The following ATG7 variants were observed in gnomAD, a reference collection of about 807,000 sequenced individuals.
The protein encoded by ATG7 is autophagy related 7, also known as ubiquitin-like modifier-activating enzyme ATG7.
ATG7 carries 70 observed loss-of-function variants against 82.4 expected under a neutral mutation model. The observed-to-expected ratio is 0.85, with a 90% CI of 0.70 to 1.04. ATG7 has a LOEUF of 1.04. ATG7 is among the 50% of genes least tolerant of loss of function. The pLI is 0.00. For synonymous variants in ATG7, 287 were observed against 313.0 expected, an observed-to-expected ratio of 0.92 and a Z score of 0.88; for missense variants, 792 against 864.3, an observed-to-expected ratio of 0.92 and a Z score of 1.05.
intron 20 of ATG7, among the ~76,000 whole-genome samples, chr3:11,451,854 T>TAG (rs1300494037): frequency 6.7e-6 from 1 of 149,320 alleles, no homozygotes; most frequent in African/African-American, 2.5e-5. Context: ...TCTCTATATA[T>TAG]ATATACGCCT....
At chr3:11,562,628 T>C (rs1319533463), downstream of ATG7, among the ~76,000 whole-genome samples, 1 of 152,228 alleles carries the variant, frequency 6.6e-6, no homozygotes, top group African/African-American at 2.4e-5. Context: ...CCAGCTCGGA[T>C]TGGTGTGCAT....
chr3:11,358,431 T>C lies in ATG7; in HGVS notation c.1298T>C (p.Phe433Ser). The C allele has an allele frequency of 6.2e-7, 1 of 1,612,604 alleles. No individual in the cohort carries two copies. The highest frequency in any genetic ancestry group is 1.1e-5 in the South Asian group (1 of 90,934). Residue 433 changes from phenylalanine to serine, a missense_variant, in exon 15 of 21, where the codon TTC (phenylalanine) becomes TCC (serine). Transcript: ENST00000693202. ...KIFPGVNARGFNMSIPMPGHP... is the reference protein window; with the variant it reads ...KIFPGVNARGSNMSIPMPGHP... ...GTGTTTCCCTAGAATGCCAGAGGATTCAACATGAGCATACCTATGCCTGGG... is the reference window on the plus strand; with the variant it reads ...GTGTTTCCCTAGAATGCCAGAGGATCCAACATGAGCATACCTATGCCTGGG...
intron 20 of ATG7, among the ~76,000 whole-genome samples, chr3:11,540,299 C>CT (rs2070710795): frequency 6.6e-6 from 1 of 152,134 alleles, no homozygotes. Context: ...CTGATGACAA[C>CT]ATCTTTCCCG....
In ATG7 at chr3:11,501,838, C is replaced by T. The variant is rs181586014; in HGVS notation, c.2080-52973C>T. Among the ~76,000 whole-genome samples, 377 of 152,110 alleles carry T rather than the reference C, an allele frequency of 2.5e-3. 8 individuals are homozygous for T. The East Asian group carries it at 0.026, about 10-fold the overall frequency. The stretch of plus-strand genomic sequence containing the variant: ...CTGAGTAGCTGGGATTACAGGTGTG[C>T]GCCACCACATCCGGCTAATTTTTGC... On this transcript the variant is annotated intron_variant, in intron 20 of 20. Transcript: ENST00000693202.
intron 20 of ATG7, among the ~76,000 whole-genome samples, chr3:11,528,275 G>A (rs921355519): frequency 6.6e-6 from 1 of 152,160 alleles, no homozygotes; most frequent in Non-Finnish European, 1.5e-5. Flanking sequence ...GCAAGGAGCA[G>A]CCCCTGCTTA....
chr3:11,409,762 G>A (rs1244166014), intron 19 of ATG7, among the ~76,000 whole-genome samples: 2 of 143,216 alleles, frequency 1.4e-5, no homozygotes, highest in East Asian at 4.2e-4. Flanking sequence ...GGTGTAAGGT[G>A]TGTGTCTAGA....
At chr3:11,559,955 A>G (rs1254758223), downstream of ATG7, among the ~76,000 whole-genome samples, 1 of 152,078 alleles carries the variant, frequency 6.6e-6, no homozygotes, top group Non-Finnish European at 1.5e-5. Flanking sequence ...TGACCTACAA[A>G]TCGGGACAGA....
At chr3:11,410,427 T>C (rs1196941586) in intron 19 of ATG7, among the ~76,000 whole-genome samples, 3 of 152,230 alleles carry the variant, frequency 2.0e-5, no homozygotes, top group African/African-American at 7.2e-5. Flanking sequence ...TCTTTCAATT[T>C]TTTATGTGAT....
intron 19 of ATG7, among the ~76,000 whole-genome samples, chr3:11,401,857 G>A (rs554635067): frequency 3.9e-4 from 59 of 152,314 alleles, no homozygotes; most frequent in African/African-American, 1.4e-3. Context: ...AGGATTAATA[G>A]CTGTTTAACC....
At chr3:11,397,394 A>G (rs1188428203) in intron 19 of ATG7, among the ~76,000 whole-genome samples, 1 of 151,520 alleles carries the variant, frequency 6.6e-6, no homozygotes, top group Non-Finnish European at 1.5e-5. Context: ...GAATTTCTAA[A>G]TTTGTATGTA....
At chr3:11,481,909 G>A (rs765201892) in intron 20 of ATG7, among the ~76,000 whole-genome samples, 15 of 152,172 alleles carry the variant, frequency 9.9e-5, no homozygotes, top group Non-Finnish European at 1.9e-4. Context: ...GCCCAAACAC[G>A]GGAATGTTTG....
chr3:11,343,016 A>G (rs527762889), intron 13 of ATG7, among the ~76,000 whole-genome samples: 1 of 151,416 alleles, frequency 6.6e-6, no homozygotes, highest in South Asian at 2.1e-4. Context: ...TGCAACCTCC[A>G]CCTCCTGAGT....
chr3:11,299,241 T>A, intron 4 of ATG7, 121 bp from the exon 5 acceptor site: 1 of 906,942 alleles, frequency 1.1e-6, no homozygotes, highest in Non-Finnish European at 1.8e-6. Context: ...GCATAGATAA[T>A]CAGAAATTGG....
chr3:11,360,585 T>G lies in ATG7; in HGVS notation c.1484T>G (p.Val495Gly), dbSNP rs1248808317. 1 of 1,612,768 alleles carries G rather than the reference T, an allele frequency of 6.2e-7. No individual in the cohort carries two copies. Among genetic ancestry groups the G allele is most frequent in the Non-Finnish European group, 8.5e-7 (1 of 1,179,348 alleles). Residue 495 changes from valine to glycine, a missense_variant, in exon 16 of 21, where the codon GTC becomes GGC. Physicochemically the swap from Val to Gly is moderately radical, Grantham distance 109. Transcript: ENST00000693202. Reference protein sequence around the residue: ...AVIAASKRKLVINAALGFDTF... With the variant: ...AVIAASKRKLGINAALGFDTF... ...TTCATTCCTTGAAACCTGCAGCTGG[T>G]CATCAATGCTGCTTTGGGATTTGAC...
intron 19 of ATG7, among the ~76,000 whole-genome samples, chr3:11,388,364 C>T (rs1468240151): frequency 6.6e-6 from 1 of 151,932 alleles, no homozygotes; most frequent in African/African-American, 2.4e-5. Context: ...TCTCCCTCTG[C>T]TAGCAGGGTG....
intron 20 of ATG7, among the ~76,000 whole-genome samples, chr3:11,550,463 G>A (rs1478496712): frequency 6.6e-6 from 1 of 151,968 alleles, no homozygotes; most frequent in Non-Finnish European, 1.5e-5. Flanking sequence ...GTGCAGTGGT[G>A]CAGTCACAGC....
intron 20 of ATG7, among the ~76,000 whole-genome samples, chr3:11,429,365 A>T (rs988489593): frequency 5.3e-5 from 8 of 151,910 alleles, no homozygotes; most frequent in Non-Finnish European, 1.0e-4. Flanking sequence ...GCATGGTGGC[A>T]CATGCCTGTA....
the ATG7 span, among the ~76,000 whole-genome samples, chr3:11,571,699 T>C: frequency 6.6e-6 from 1 of 151,938 alleles, no homozygotes; most frequent in Admixed American, 6.6e-5. Context: ...CCCACAAAGG[T>C]AGTGTCCCTC....
chr3:11,308,227 A>C (rs1185113376), intron 6 of ATG7, among the ~76,000 whole-genome samples: 1 of 152,202 alleles, frequency 6.6e-6, no homozygotes, highest in Non-Finnish European at 1.5e-5. Flanking sequence ...TTATTAGTGC[A>C]ACTGTTTTGT....
Sources: gnomAD v4.1 joint callset for allele counts (sites outside exome capture counted in the v4.1 genomes callset) on GRCh38, gnomAD v4.1.1 for gene constraint, MANE v1.5 for transcripts, NCBI Gene and HGNC (gene_info 2026-07-23, HGNC 2026-07-21) for gene names.